The following PCDHGB5 variants were observed in gnomAD, a reference collection of about 807,000 sequenced individuals.
PCDHGB5 encodes protocadherin gamma subfamily B, 5, also known as protocadherin gamma-B5.
Under a neutral mutation model 62.9 loss-of-function variants are expected in PCDHGB5, and 48 were observed. The ratio of observed to expected loss-of-function variants is 0.76; its 90% CI spans 0.61 to 0.97. The LOEUF (loss-of-function observed/expected upper bound fraction) is 0.97. PCDHGB5 is among the 50% of genes least tolerant of loss of function. PCDHGB5 has a pLI of 0.00. For missense variants in PCDHGB5, 1,118 were observed against 1,198.6 expected (o/e 0.93, Z 0.99); for synonymous variants, 474 against 511.2 (o/e 0.93, Z 0.98).
At position 141,400,352 on chromosome 5, in the gene PCDHGB5, G is replaced by A. The variant is rs1214813312; in HGVS notation, c.2225G>A (p.Gly742Glu). 2 of 1,614,044 alleles carry A rather than the reference G, an allele frequency of 1.2e-6. No homozygotes were observed. The highest frequency in any genetic ancestry group is 1.7e-6 in the Non-Finnish European group (2 of 1,179,904). The change falls in exon 1 of 4, where the codon GGG becomes GAG. Residue 742 changes from glycine to glutamate, a missense_variant. Coordinates refer to ENST00000617380, the MANE Select transcript of PCDHGB5 (RefSeq NM_018925.3). ...GTGGTTCCCCCCAACTACAGTCAGG[G>A]GACTTTGCCTTATTCCTACAACCTA... ...GPVVPPNYSQGTLPYSYNLCV... is the reference protein window; with the variant it reads ...GPVVPPNYSQETLPYSYNLCV...
At chr5:141,405,523 G>T (rs140184617) in intron 1 of PCDHGB5, 2 of 679,202 alleles carry the variant, frequency 2.9e-6, no homozygotes, top group African/African-American at 3.6e-5. Context: ...AAATTCAAGC[G>T]ATTCTCCTGC....
In PCDHGB5 at chr5:141,399,576, C is replaced by G; in HGVS notation, c.1449C>G (p.Val483=). ...SDLDLGLNGQ[V]SYSIMASDLE... The stretch of plus-strand genomic sequence containing the variant: ...TGGACTTGGGGTTGAACGGCCAAGT[C>G]TCCTACTCTATCATGGCCAGCGACC... Residue 483 remains valine, a synonymous_variant, in exon 1 of 4, where the codon GTC becomes GTG. Transcript: ENST00000617380. The G allele has an allele frequency of 6.2e-7, 1 of 1,614,028 alleles. No individual in the cohort carries two copies. Among genetic ancestry groups the G allele is most frequent in the South Asian group, 1.1e-5 (1 of 91,086 alleles).
At position 141,491,660 on chromosome 5, in the gene PCDHGB5, C is replaced by G; in HGVS notation, c.2398-3147C>G. 6.2e-7 allele frequency: 1 copy of G among 1,613,810 alleles called. No individual in the cohort carries two copies. ...ACAGCTCTGGCGCTGGAGCCTGACG[C>G]CATCCGGTCCCGCTCTAATACGCTG... is the stretch of plus-strand genomic sequence containing the variant. On this transcript the variant is annotated intron_variant, in intron 1 of 3. Transcript: ENST00000617380. The surrounding 1 kb of genome is among the most constrained non-coding windows in gnomAD (Gnocchi z 6.9).
At chr5:141,430,910 G>T in intron 1 of PCDHGB5, 2 of 1,608,040 alleles carry the variant, frequency 1.2e-6, no homozygotes, top group Middle Eastern at 1.7e-4. Context: ...CATCTCCAGG[G>T]ACCTGGGGCT....
chr5:141,496,802 A>G (rs1483438160), intron 2 of PCDHGB5, among the ~76,000 whole-genome samples: 1 of 152,050 alleles, frequency 6.6e-6, no homozygotes, highest in Admixed American at 6.6e-5. Flanking sequence ...ACATTGGGCT[A>G]TAGGAGTGAA....
chr5:141,456,700 C>G (rs1420857227), intron 1 of PCDHGB5, among the ~76,000 whole-genome samples: 2 of 152,060 alleles, frequency 1.3e-5, no homozygotes, highest in Admixed American at 1.3e-4. Flanking sequence ...CGTGGTGGCT[C>G]GCGCCTGTAA....
rs200842238 is a variant in PCDHGB5, at chr5:141,400,011, G to A, written c.1884G>A (p.Leu628=). ...RTGEVRTARA[L]GDRDAARQRL... ...GAGAGGTGCGCACAGCGCGTGCCTTGGGCGACAGGGACGCGGCCCGCCAGC... is the reference window on the plus strand; with the variant it reads ...GAGAGGTGCGCACAGCGCGTGCCTTAGGCGACAGGGACGCGGCCCGCCAGC... The change falls in exon 1 of 4, where the codon TTG becomes TTA. Residue 628 remains leucine (L), a synonymous_variant. Coordinates refer to ENST00000617380, the MANE Select transcript of PCDHGB5 (RefSeq NM_018925.3). 2.2e-5 allele frequency: 35 copies of A among 1,612,624 alleles called. No homozygotes were observed. The highest frequency in any genetic ancestry group is 4.0e-5 in the African/African-American group (3 of 74,928).
In PCDHGB5 at chr5:141,499,676, C is replaced by G. The variant is rs534287777; in HGVS notation, c.2456+4811C>G. On this transcript the variant is annotated intron_variant, in intron 2 of 3. Coordinates refer to ENST00000617380, the MANE Select transcript of PCDHGB5 (RefSeq NM_018925.3). Reference sequence around the variant, plus strand: ...ATAATTTCATCTTGGTCTCCACCATCTTTAACAGATGACTTTTTTTTTTTT... The same window carrying G: ...ATAATTTCATCTTGGTCTCCACCATGTTTAACAGATGACTTTTTTTTTTTT... Among the ~76,000 whole-genome samples, 13 of 144,474 alleles carry G rather than the reference C, an allele frequency of 9.0e-5. No homozygotes were observed. In the South Asian group the frequency reaches 2.9e-3, roughly 33 times the overall value. The allele number at this position is 144,474 out of a possible 152,430, so 94.8% of individuals were successfully genotyped here.
In PCDHGB5 at chr5:141,491,511, C is replaced by G. The variant is rs777448782; in HGVS notation, c.2398-3296C>G. 6.2e-7 allele frequency: 1 copy of G among 1,614,080 alleles called. No individual in the cohort carries two copies. The highest frequency in any genetic ancestry group is 8.5e-7 in the Non-Finnish European group (1 of 1,180,018). ...TGCAGGTGAGCTCGGACGGCACGCT[C>G]AAGTACATGGAGGTGACGCTGCGGC... On this transcript the variant is annotated intron_variant, in intron 1 of 3. Transcript: ENST00000617380. This position sits in a 1 kb window ranked among gnomAD's most constrained non-coding sequence, Gnocchi z 6.9.
rs561392729 is a variant in PCDHGB5, at chr5:141,475,706, G to T, written c.2398-19101G>T. On this transcript the variant is annotated intron_variant, in intron 1 of 3. Transcript: ENST00000617380. ...GGATTGGAGACTTGCAGAACGGCTA[G>T]CCTCACAGCCCCAAGGCTGGCTTTC... Among the ~76,000 whole-genome samples the T allele has an allele frequency of 7.2e-5, 11 of 152,364 alleles. 1 individual carries two copies. In the South Asian group the frequency reaches 2.3e-3, roughly 32 times the overall value.
At chr5:141,506,735 G>A (rs1467217136) in intron 3 of PCDHGB5, among the ~76,000 whole-genome samples, 1 of 152,098 alleles carries the variant, frequency 6.6e-6, no homozygotes, top group Non-Finnish European at 1.5e-5. Context: ...TTAGAATAAT[G>A]CCTATTAATA....
intron 2 of PCDHGB5, among the ~76,000 whole-genome samples, chr5:141,500,788 A>T (rs1379810633): frequency 2.6e-5 from 4 of 152,198 alleles, no homozygotes; most frequent in Admixed American, 6.5e-5. Context: ...ATATTATTTT[A>T]CAGAATAAGT....
chr5:141,462,652 A>T (rs201168659), intron 1 of PCDHGB5, among the ~76,000 whole-genome samples: 1 of 80,348 alleles, frequency 1.2e-5, no homozygotes, highest in African/African-American at 7.4e-5. Flanking sequence ...TTCCATCCTC[A>T]ATTATCTTCA....
At chr5:141,403,425 T>C in intron 1 of PCDHGB5, 1 of 1,614,040 alleles carries the variant, frequency 6.2e-7, no homozygotes, top group South Asian at 1.1e-5. Context: ...CCAGAAGCTA[T>C]TGATCCGGAT....
Position 141,484,782 on chromosome 5 carries a change from C to A in PCDHGB5, c.2398-10025C>A, listed in dbSNP as rs572593816. 2.0e-5 allele frequency among the ~76,000 whole-genome samples: 3 copies of A among 152,066 alleles called. No homozygotes were observed. In the South Asian group the frequency reaches 6.3e-4, roughly 32 times the overall value. On this transcript the variant is annotated intron_variant, in intron 1 of 3. Transcript: ENST00000617380. Reference sequence around the variant, plus strand: ...TATATATATGTTGTCTGCCTCCCCACAGAGATAACAACCCGTGGAAAAACA... The same window carrying A: ...TATATATATGTTGTCTGCCTCCCCAAAGAGATAACAACCCGTGGAAAAACA...
chr5:141,436,590 C>T (rs1050788291), intron 1 of PCDHGB5, among the ~76,000 whole-genome samples: 10 of 152,102 alleles, frequency 6.6e-5, no homozygotes, highest in East Asian at 1.9e-4. Context: ...TTTGAAAGGT[C>T]GTGGTGATGG....
At position 141,433,401 on chromosome 5, in the gene PCDHGB5, A is replaced by C. The variant is rs181247960; in HGVS notation, c.2397+32877A>C. ...TATCTATCTATCTATCTATCTATCT[A>C]TCTATTACTTTCTTGTACAGACAGG... On this transcript the variant is annotated intron_variant, in intron 1 of 3. Transcript: ENST00000617380. Among the ~76,000 whole-genome samples, 679 of 150,596 alleles carry C rather than the reference A, an allele frequency of 4.5e-3. 8 individuals carry two copies. The highest frequency in any genetic ancestry group is 0.015 in the African/African-American group (630 of 40,956).
chr5:141,490,612 C>G lies in PCDHGB5; in HGVS notation c.2398-4195C>G, dbSNP rs1393568166. ...CAATGCACCCCGCTTCAACCAGCAG[C>G]TTTACACTGCTTACATCCTAGAAAA... On this transcript the variant is annotated intron_variant, in intron 1 of 3. Coordinates refer to ENST00000617380, the MANE Select transcript of PCDHGB5 (RefSeq NM_018925.3). This position sits in a 1 kb window ranked among gnomAD's most constrained non-coding sequence, Gnocchi z 5.4. The G allele has an allele frequency of 6.2e-7, 1 of 1,614,082 alleles. No homozygotes were observed. Among genetic ancestry groups the G allele is most frequent in the Non-Finnish European group, 8.5e-7 (1 of 1,180,032 alleles).
At chr5:141,450,642 A>C (rs2098688710) in intron 1 of PCDHGB5, among the ~76,000 whole-genome samples, 1 of 151,504 alleles carries the variant, frequency 6.6e-6, no homozygotes, top group Non-Finnish European at 1.5e-5. Context: ...GCCTGCCACC[A>C]TGCCTGGCTA....
Sources: gnomAD v4.1 joint callset for allele counts (sites outside exome capture counted in the v4.1 genomes callset) on GRCh38, gnomAD v4.1.1 for gene constraint, Gnocchi (gnomAD v3.1) non-coding constraint, MANE v1.5 for transcripts, NCBI Gene and HGNC (gene_info 2026-07-23, HGNC 2026-07-21) for gene names.